The following TAF3 variants were observed in gnomAD, a reference collection of about 807,000 sequenced individuals.
TAF3 encodes the protein transcription initiation factor TFIID subunit 3.
Under a neutral mutation model 80.6 loss-of-function variants are expected in TAF3, and 7 were observed. The observed-to-expected ratio is 0.09, with a 90% CI of 0.05 to 0.16. The LOEUF (loss-of-function observed/expected upper bound fraction) is 0.16, where lower values mean the gene tolerates loss of function less well. Among genes scored for constraint, TAF3 ranks in the 10% least tolerant of loss-of-function variants. The pLI is 1.00. For missense variants in TAF3, 921 were observed against 1,140.2 expected (o/e 0.81, Z 2.77); for synonymous variants, 444 against 446.1 (o/e 1.00, Z 0.06).
intron 2 of TAF3, among the ~76,000 whole-genome samples, chr10:7,883,444 T>C (rs1014233431): frequency 1.3e-5 from 2 of 152,252 alleles, no homozygotes; most frequent in Non-Finnish European, 2.9e-5. Flanking sequence ...ATGGTAATTT[T>C]ATTTGGCTAA....
Position 8,009,005 on chromosome 10 carries a change from C to T in TAF3, c.2316-73C>T, listed in dbSNP as rs916383510. On this transcript the variant is annotated intron_variant, in intron 4 of 6. Coordinates refer to ENST00000344293, the MANE Select transcript of TAF3 (RefSeq NM_031923.4). This position sits in a 1 kb window ranked among gnomAD's most constrained non-coding sequence, Gnocchi z 4.1. ...ACTGGAAGAAAAGCTATTTTACGAT[C>T]ATGTTTTTAAGCACGGGTTTGGTTC... 16 of 1,526,800 alleles carry T rather than the reference C, an allele frequency of 1.0e-5. No individual in the cohort carries two copies. The highest frequency in any genetic ancestry group is 1.4e-5 in the Non-Finnish European group (16 of 1,130,594). 94.6% of individuals were successfully genotyped at this position (1,526,800 alleles called of 1,614,324 possible). A position where few individuals can be genotyped will look rare whatever the true frequency, so the allele number is the denominator to read the frequency against.
At chr10:7,933,646 G>A (rs949095919) in intron 2 of TAF3, among the ~76,000 whole-genome samples, 1 of 152,132 alleles carries the variant, frequency 6.6e-6, no homozygotes, top group Non-Finnish European at 1.5e-5. Flanking sequence ...TGTCCTCAAC[G>A]TTTGCACATG....
intron 2 of TAF3, among the ~76,000 whole-genome samples, chr10:7,831,448 G>C (rs1339770945): frequency 6.6e-6 from 1 of 151,948 alleles, no homozygotes; most frequent in Non-Finnish European, 1.5e-5. Context: ...CAGGTTCAAG[G>C]GATTCTCCTG....
At chr10:7,855,699 C>T (rs1837071764) in intron 2 of TAF3, among the ~76,000 whole-genome samples, 1 of 152,144 alleles carries the variant, frequency 6.6e-6, no homozygotes, top group African/African-American at 2.4e-5. Context: ...GCTTACCAGA[C>T]AAAGGAAGAA....
At chr10:7,884,412 G>A (rs1004490885) in intron 2 of TAF3, among the ~76,000 whole-genome samples, 1 of 34,830 alleles carries the variant, frequency 2.9e-5, no homozygotes, top group Non-Finnish European at 8.5e-5. Flanking sequence ...TTGAGATGGA[G>A]TTTTGCTTTT....
At chr10:7,994,977 G>GAAAAAAAAAAAAAAAAAAAAAA (rs71287400) in intron 4 of TAF3, among the ~76,000 whole-genome samples, 3 of 97,642 alleles carry the variant, frequency 3.1e-5, no homozygotes, top group South Asian at 3.5e-4. Context: ...CTCAAAAAAA[G>GAAAAAAAAAAAAAAAAAAAAAA]AAAAAAAAAA....
chr10:7,878,711 A>T (rs1283918969), intron 2 of TAF3, among the ~76,000 whole-genome samples: 1 of 148,790 alleles, frequency 6.7e-6, no homozygotes, highest in African/African-American at 2.6e-5. Flanking sequence ...GTATGTATGT[A>T]TGTATGTATG....
intron 2 of TAF3, among the ~76,000 whole-genome samples, chr10:7,961,833 G>A (rs1463370965): frequency 1.3e-5 from 2 of 152,058 alleles, no homozygotes. Flanking sequence ...CACTCACCAA[G>A]GCTCAAAGCT....
At chr10:7,914,739 T>G (rs10905246) in intron 2 of TAF3, among the ~76,000 whole-genome samples, 81,685 of 152,008 alleles carry the variant, frequency 0.54, 24,013 homozygotes, top group East Asian at 0.71. Flanking sequence ...CTTTTATTCT[T>G]GAGAACTCAA....
chr10:7,986,237 C>T (rs1306530614), intron 4 of TAF3, among the ~76,000 whole-genome samples: 2 of 151,982 alleles, frequency 1.3e-5, no homozygotes, highest in African/African-American at 4.8e-5. Flanking sequence ...AATGATGATT[C>T]CCATTTCTTT....
chr10:7,942,608 A>C (rs1216098571), intron 2 of TAF3, among the ~76,000 whole-genome samples: 1 of 152,188 alleles, frequency 6.6e-6, no homozygotes, highest in Non-Finnish European at 1.5e-5. Flanking sequence ...GACATTGCTG[A>C]CTGAGAAAAT....
At position 8,014,714 on chromosome 10, in the gene TAF3, A is replaced by G; in HGVS notation, c.2753A>G (p.Asp918Gly). The G allele has an allele frequency of 6.2e-7, 1 of 1,609,130 alleles. No individual in the cohort carries two copies. Among genetic ancestry groups the G allele is most frequent in the East Asian group, 2.2e-5 (1 of 44,700 alleles). The change falls in exon 7 of 7, where the codon GAC (aspartate) becomes GGC (glycine). Residue 918 changes from aspartate to glycine, a missense_variant. Coordinates refer to ENST00000344293, the MANE Select transcript of TAF3 (RefSeq NM_031923.4). ...FCPKCANKKK[D>G]KKHKKRKHRA... is the part of the protein sequence containing the mutation. ...CCCAAGTGTGCGAACAAGAAGAAGGACAAAAAGCACAAGAAGAGGAAGCAT... is the reference window on the plus strand; with the variant it reads ...CCCAAGTGTGCGAACAAGAAGAAGGGCAAAAAGCACAAGAAGAGGAAGCAT...
rs369469064 is a variant in TAF3 at position 7,865,854 on chromosome 10, AGCTGCTCCGTTTT to A, written c.409+41295_409+41307del. Among the ~76,000 whole-genome samples, 148 of 152,250 alleles carry A rather than the reference AGCTGCTCCGTTTT, an allele frequency of 9.7e-4. 1 individual carries two copies. Among genetic ancestry groups the A allele is most frequent in the African/African-American group, 3.4e-3 (142 of 41,540 alleles). On this transcript the variant is annotated intron_variant, in intron 2 of 6. Transcript: ENST00000344293. ...CATTTCCTTCCTTTCTGCTCCTTCT[AGCTGCTCCGTTTT>A]ATGTCTCTTGCATCTTGTCAGCGTT... is the stretch of plus-strand genomic sequence containing the variant.
At chr10:7,986,373 G>A (rs569733271) in intron 4 of TAF3, among the ~76,000 whole-genome samples, 6 of 152,160 alleles carry the variant, frequency 3.9e-5, no homozygotes, top group South Asian at 2.1e-4. Context: ...CATTATTTCC[G>A]CCAGTGTGGT....
At chr10:7,855,627 A>G (rs1171381163) in intron 2 of TAF3, among the ~76,000 whole-genome samples, 1 of 152,202 alleles carries the variant, frequency 6.6e-6, no homozygotes, top group African/African-American at 2.4e-5. Flanking sequence ...CCACTTCCCA[A>G]GCCCTGAGTC....
chr10:7,967,259 G>T lies in TAF3; in HGVS notation c.2232+1517G>T, dbSNP rs1831581289. On this transcript the variant is annotated intron_variant, in intron 3 of 6. Transcript: ENST00000344293. ...CCCTTGTGTACCTAGTAAGTTGGCAGCTGAGCCCTCAGTAAATCAAACAGG... is the reference window on the plus strand; with the variant it reads ...CCCTTGTGTACCTAGTAAGTTGGCATCTGAGCCCTCAGTAAATCAAACAGG... 2.0e-5 allele frequency among the ~76,000 whole-genome samples: 3 copies of T among 152,214 alleles called. No homozygotes were observed. The South Asian group carries it at 6.2e-4, about 32-fold the overall frequency.
intron 4 of TAF3, 102 bp from the exon 5 acceptor site, chr10:8,008,976 C>A (rs1047540626): frequency 9.7e-6 from 14 of 1,447,974 alleles, no homozygotes; most frequent in Admixed American, 3.7e-5. Flanking sequence ...TGAAGTATTT[C>A]GCTACTGGAA....
chr10:7,846,006 T>A (rs1353439899), intron 2 of TAF3, among the ~76,000 whole-genome samples: 6 of 149,160 alleles, frequency 4.0e-5, no homozygotes, highest in Non-Finnish European at 8.9e-5. Context: ...TCACCCAGGC[T>A]GGAGTGCAGT....
chr10:7,857,932 A>T (rs573164170), intron 2 of TAF3, among the ~76,000 whole-genome samples: 46 of 125,270 alleles, frequency 3.7e-4, no homozygotes, highest in Middle Eastern at 4.9e-3. Flanking sequence ...TTTTTCTGCT[A>T]ACCTTAGGGA....
Sources: gnomAD v4.1 joint callset for allele counts (sites outside exome capture counted in the v4.1 genomes callset) on GRCh38, gnomAD v4.1.1 for gene constraint, Gnocchi (gnomAD v3.1) non-coding constraint, MANE v1.5 for transcripts, NCBI Gene and HGNC (gene_info 2026-07-23, HGNC 2026-07-21) for gene names.